GNAI3: variants seen among roughly 807,000 people sequenced by gnomAD.
The protein encoded by GNAI3 is guanine nucleotide-binding protein G(i) subunit alpha-3.
A neutral mutation model predicts 41.8 loss-of-function variants in GNAI3; 12 were observed. That is an observed-to-expected ratio of 0.29 (90% CI 0.18 to 0.47). The LOEUF (loss-of-function observed/expected upper bound fraction) is 0.47. Among genes scored for constraint, GNAI3 ranks in the 20% least tolerant of loss-of-function variants. The pLI is 1.00. For synonymous variants in GNAI3, 132 were observed against 146.5 expected, an observed-to-expected ratio of 0.90 and a Z score of 0.71; for missense variants, 360 against 429.6, an observed-to-expected ratio of 0.84 and a Z score of 1.43.
At chr1:109,590,319 C>G (rs957020742) in intron 7 of GNAI3, among the ~76,000 whole-genome samples, 1 of 152,094 alleles carries the variant, frequency 6.6e-6, no homozygotes, top group African/African-American at 2.4e-5. Flanking sequence ...AAGCAAAGAG[C>G]CTTTAATATC....
chr1:109,576,540 CAG>C (rs919634970), intron 3 of GNAI3, among the ~76,000 whole-genome samples: 2 of 150,112 alleles, frequency 1.3e-5, no homozygotes, highest in African/African-American at 4.9e-5. Context: ...TTTTTTGAGA[CAG>C]AGTTTCACTC....
At chr1:109,549,075 C>G (rs1052064498) in intron 1 of GNAI3, among the ~76,000 whole-genome samples, 1 of 151,978 alleles carries the variant, frequency 6.6e-6, no homozygotes, top group African/African-American at 2.4e-5. Flanking sequence ...GCTAGAATTG[C>G]GTTTAGCAGA....
chr1:109,580,151 G>T (rs915385347), intron 4 of GNAI3, among the ~76,000 whole-genome samples: 2 of 152,046 alleles, frequency 1.3e-5, no homozygotes, highest in South Asian at 4.1e-4. Context: ...ACAGGCGCCC[G>T]CCACCATGCC....
At position 109,579,336 on chromosome 1, in the gene GNAI3, T is replaced by C; in HGVS notation, c.436T>C (p.Tyr146His). The C allele has an allele frequency of 6.2e-7, 1 of 1,613,442 alleles. No homozygotes were observed. Among genetic ancestry groups the C allele is most frequent in the Non-Finnish European group, 8.5e-7 (1 of 1,179,488 alleles). ...AGCTTGCTTCAGCAGATCCAGGGAA[T>C]ATCAGCTCAATGATTCTGCTTCATA... ...VQACFSRSRE[Y>H]QLNDSASYYL... Residue 146 changes from tyrosine to histidine, a missense_variant, in exon 4 of 9, where the codon TAT becomes CAT. By Grantham distance (83) the Tyr-to-His change is moderately conservative (BLOSUM62 2). Transcript: ENST00000369851.
chr1:109,569,191 T>G (rs1648530794), intron 1 of GNAI3, among the ~76,000 whole-genome samples: 1 of 152,244 alleles, frequency 6.6e-6, no homozygotes, highest in Admixed American at 6.5e-5. Context: ...CGGATCCTAT[T>G]GCCTCCTGTT....
At chr1:109,551,329 C>G (rs551461924) in intron 1 of GNAI3, among the ~76,000 whole-genome samples, 1 of 152,250 alleles carries the variant, frequency 6.6e-6, no homozygotes, top group Admixed American at 6.5e-5. Flanking sequence ...AAAATGTACC[C>G]AAAACAGTAT....
chr1:109,576,801 C>T (rs1648759686), intron 3 of GNAI3, among the ~76,000 whole-genome samples: 1 of 151,982 alleles, frequency 6.6e-6, no homozygotes, highest in Non-Finnish European at 1.5e-5. Flanking sequence ...GGATTACAGG[C>T]GTGAGCCACC....
chr1:109,575,933 AATC>A (rs1648730366), intron 3 of GNAI3, among the ~76,000 whole-genome samples: 1 of 152,142 alleles, frequency 6.6e-6, no homozygotes, highest in South Asian at 2.1e-4. Flanking sequence ...AGGCCTCCTA[AATC>A]ATCCAGCTTT....
rs1570557301 is a variant in GNAI3, at chr1:109,596,961, G to A, written c.*4639G>A. 6.6e-6 allele frequency: 1 copy of A among 152,196 alleles called. No individual in the cohort carries two copies. The highest frequency in any genetic ancestry group is 1.5e-5 in the Non-Finnish European group (1 of 68,038). 9.4% of individuals were successfully genotyped at this position (152,196 alleles called of 1,614,324 possible). On this transcript the variant is annotated 3_prime_UTR_variant, in exon 9 of 9. Coordinates refer to ENST00000369851, the MANE Select transcript of GNAI3 (RefSeq NM_006496.4). ...CCCTTATCCAAATCTCTTGGGACCA[G>A]AAGTGTTTGAGAGTTCAGATTTTTG...
intron 1 of GNAI3, among the ~76,000 whole-genome samples, chr1:109,570,952 T>A (rs1413197419): frequency 6.6e-6 from 1 of 152,234 alleles, no homozygotes; most frequent in Non-Finnish European, 1.5e-5. Flanking sequence ...TTTGCAGTGA[T>A]CTAGGCCTAT....
chr1:109,592,203 A>G lies in GNAI3; in HGVS notation c.1035A>G (p.Lys345=), dbSNP rs143871630. The G allele has an allele frequency of 1.1e-3, 1,719 of 1,612,794 alleles. 1 individual carries two copies. The highest frequency in any genetic ancestry group is 1.4e-3 in the Non-Finnish European group (1,657 of 1,178,826). ...ATGCTGTTACAGATGTCATCATTAAAAACAACTTAAAGGAATGTGGACTTT... is the reference window on the plus strand; with the variant it reads ...ATGCTGTTACAGATGTCATCATTAAGAACAACTTAAAGGAATGTGGACTTT... ...VFDAVTDVII[K]NNLKECGLY is the part of the protein sequence containing the mutation. Residue 345 remains lysine (K), a synonymous_variant, in exon 8 of 9, where the codon AAA becomes AAG. Coordinates refer to ENST00000369851, the MANE Select transcript of GNAI3 (RefSeq NM_006496.4).
chr1:109,582,847 A>G (rs1275037334), intron 5 of GNAI3, among the ~76,000 whole-genome samples: 1 of 152,100 alleles, frequency 6.6e-6, no homozygotes, highest in Non-Finnish European at 1.5e-5. Context: ...GGTTTGTTTT[A>G]ATTTTATTAT....
rs1257981985 is a variant in GNAI3 at position 109,594,607 on chromosome 1, A to T, written c.*2285A>T. The T allele has an allele frequency of 6.6e-6, 1 of 150,846 alleles. No individual in the cohort carries two copies. Among genetic ancestry groups the T allele is most frequent in the Non-Finnish European group, 1.5e-5 (1 of 67,892 alleles). 9.3% of individuals were successfully genotyped at this position (150,846 alleles called of 1,614,324 possible). A position where few individuals can be genotyped will look rare whatever the true frequency, so the allele number is the denominator to read the frequency against. On this transcript the variant is annotated 3_prime_UTR_variant, in exon 9 of 9. Transcript: ENST00000369851. ...ACTTAAGTAAAAATCACTTGGACCC[A>T]TCTAAGGGATTGACTTTTGGCTGGT...
intron 1 of GNAI3, among the ~76,000 whole-genome samples, chr1:109,567,864 G>T (rs1258611456): frequency 1.3e-5 from 2 of 152,042 alleles, no homozygotes; most frequent in African/African-American, 2.4e-5. Flanking sequence ...GAAATTCATT[G>T]TGCTTGAAGG....
At chr1:109,556,209 C>T (rs571139841) in intron 1 of GNAI3, among the ~76,000 whole-genome samples, 30 of 151,988 alleles carry the variant, frequency 2.0e-4, no homozygotes, top group South Asian at 1.2e-3. Flanking sequence ...ATGCCACCAC[C>T]GTTGGCTAAT....
rs1283824236 is a variant in GNAI3, at chr1:109,599,907, C to T, written c.*7585C>T. The stretch of plus-strand genomic sequence containing the variant: ...CTCTGTTGGTAGCTGGACATCATCA[C>T]AGGCTTTGGATTGAGAAGACCTGTT... On this transcript the variant is annotated 3_prime_UTR_variant, in exon 9 of 9. Transcript: ENST00000369851. 4 of 152,150 alleles carry T rather than the reference C, an allele frequency of 2.6e-5. No individual in the cohort carries two copies. The highest frequency in any genetic ancestry group is 5.9e-5 in the Non-Finnish European group (4 of 68,018). The allele number at this position is 152,150 out of a possible 1,614,324, so 9.4% of individuals were successfully genotyped here.
chr1:109,570,913 G>A (rs908676957), intron 1 of GNAI3, among the ~76,000 whole-genome samples: 1 of 152,154 alleles, frequency 6.6e-6, no homozygotes, highest in African/African-American at 2.4e-5. Flanking sequence ...AAAAGGCAAG[G>A]TCTGAAGCAC....
chr1:109,557,400 T>G (rs1456783590), intron 1 of GNAI3, among the ~76,000 whole-genome samples: 2 of 152,212 alleles, frequency 1.3e-5, no homozygotes, highest in Non-Finnish European at 2.9e-5. Flanking sequence ...ACTAAGTATT[T>G]CTCATCTTTT....
chr1:109,577,269 G>GTTTTTTTTTTTTTTTTTTT (rs1395067814), intron 3 of GNAI3, among the ~76,000 whole-genome samples: 2 of 139,002 alleles, frequency 1.4e-5, no homozygotes, highest in Admixed American at 7.1e-5. Flanking sequence ...TAGCTAAGGT[G>GTTTTTTTTTTTTTTTTTTT]TTTTTTTTGT....
Sources: allele counts gnomAD v4.1 joint callset (sites outside exome capture counted in the v4.1 genomes callset), GRCh38; gene constraint gnomAD v4.1.1; transcripts MANE v1.5; gene names NCBI Gene and HGNC (gene_info 2026-07-23, HGNC 2026-07-21).